Variants in CD300LB observed in about 807,000 individuals in gnomAD.
The protein encoded by CD300LB is CMRF35-like molecule 7.
A neutral mutation model predicts 20.8 loss-of-function variants in CD300LB; 18 were observed. The observed-to-expected ratio is 0.87, with a 90% CI of 0.60 to 1.28. CD300LB has a LOEUF of 1.28. CD300LB is among the 50% of genes most tolerant of loss of function. CD300LB has a pLI of 0.00. For synonymous variants in CD300LB, 91 were observed against 91.3 expected (o/e 1.00, Z 0.02); for missense variants, 222 against 251.8 (o/e 0.88, Z 0.80).
At chr17:74,530,094 C>G (rs1337882961) in intron 1 of CD300LB, among the ~76,000 whole-genome samples, 1 of 152,220 alleles carries the variant, frequency 6.6e-6, no homozygotes, top group East Asian at 1.9e-4. Flanking sequence ...TGGAGCAGAG[C>G]CCCGTTGAAC....
chr17:74,522,522 T>A lies in CD300LB; in HGVS notation c.*216A>T. 7.5e-7 allele frequency: 1 copy of A among 1,338,736 alleles called. No homozygotes were observed. The highest frequency in any genetic ancestry group is 3.0e-5 in the East Asian group (1 of 33,430). The allele number at this position is 1,338,736 out of a possible 1,614,324, so 82.9% of individuals were successfully genotyped here. On this transcript the variant is annotated 3_prime_UTR_variant, in exon 4 of 4. Coordinates refer to ENST00000392621, the MANE Select transcript of CD300LB (RefSeq NM_174892.4). ...AGCTCCTGACCAAGAGAACAGGTGC[T>A]GGCACCCCAGGAGGTGATGGTGGCT... is the stretch of plus-strand genomic sequence containing the variant.
chr17:74,522,524 G>C lies in CD300LB; in HGVS notation c.*214C>G. 1 of 1,338,012 alleles carries C rather than the reference G, an allele frequency of 7.5e-7. No individual in the cohort carries two copies. The highest frequency in any genetic ancestry group is 1.5e-5 in the African/African-American group (1 of 67,604). The allele number at this position is 1,338,012 out of a possible 1,614,324, so 82.9% of individuals were successfully genotyped here. A position where few individuals can be genotyped will look rare whatever the true frequency, so the allele number is the denominator to read the frequency against. ...CTCCTGACCAAGAGAACAGGTGCTG[G>C]CACCCCAGGAGGTGATGGTGGCTCA... On this transcript the variant is annotated 3_prime_UTR_variant, in exon 4 of 4. Coordinates refer to ENST00000392621, the MANE Select transcript of CD300LB (RefSeq NM_174892.4).
At position 74,522,205 on chromosome 17, in the gene CD300LB, C is replaced by T. The variant is rs1907900477; in HGVS notation, c.*533G>A. Reference sequence around the variant, plus strand: ...GACAGGGTCCATCCAGCCCCTCATGCCCTAGAACCAGGAACTCATCCCAGA... The same window carrying T: ...GACAGGGTCCATCCAGCCCCTCATGTCCTAGAACCAGGAACTCATCCCAGA... On this transcript the variant is annotated 3_prime_UTR_variant, in exon 4 of 4. Coordinates refer to ENST00000392621, the MANE Select transcript of CD300LB (RefSeq NM_174892.4). The T allele has an allele frequency of 1.0e-6, 1 of 985,998 alleles. No individual in the cohort carries two copies. Among genetic ancestry groups the T allele is most frequent in the South Asian group, 4.6e-5 (1 of 21,508 alleles). The allele number at this position is 985,998 out of a possible 1,614,324, so 61.1% of individuals were successfully genotyped here. A position where few individuals can be genotyped will look rare whatever the true frequency, so the allele number is the denominator to read the frequency against.
chr17:74,529,230 T>C (rs1165125869), intron 1 of CD300LB, among the ~76,000 whole-genome samples: 1 of 152,126 alleles, frequency 6.6e-6, no homozygotes, highest in Non-Finnish European at 1.5e-5. Context: ...CATCAACAGG[T>C]CAGAACTTCA....
rs1413424294 is a variant in CD300LB, at chr17:74,521,996, G to A, written c.*742C>T. 1 of 985,348 alleles carries A rather than the reference G, an allele frequency of 1.0e-6. No individual in the cohort carries two copies. The highest frequency in any genetic ancestry group is 1.7e-5 in the African/African-American group (1 of 57,232). 61.0% of individuals were successfully genotyped at this position (985,348 alleles called of 1,614,324 possible). On this transcript the variant is annotated 3_prime_UTR_variant, in exon 4 of 4. Transcript: ENST00000392621. ...GCCTGACAGGCTCTTTTGGGGAGGA[G>A]ACCCAAGCTGTCATGCTGAGGAGGC...
chr17:74,531,303 C>T lies in CD300LB; in HGVS notation c.40+8G>A, dbSNP rs1908206567. 10 of 1,574,126 alleles carry T rather than the reference C, an allele frequency of 6.4e-6. No homozygotes were observed. Among genetic ancestry groups the T allele is most frequent in the Middle Eastern group, 3.4e-4 (2 of 5,866 alleles). ...ATACCAAGCGCCCAAGGCCCCAGCC[C>T]CACTCACCTGAGAGGCTGAGAAGGA... On this transcript the variant is annotated splice_region_variant and intron_variant, in intron 1 of 3. Coordinates refer to ENST00000392621, the MANE Select transcript of CD300LB (RefSeq NM_174892.4).
intron 1 of CD300LB, among the ~76,000 whole-genome samples, chr17:74,528,452 G>T (rs1598129230): frequency 6.6e-6 from 1 of 152,156 alleles, no homozygotes; most frequent in African/African-American, 2.4e-5. Flanking sequence ...ATTTGTTACA[G>T]CAGCCACTGG....
rs777792520 is a variant in CD300LB at position 74,525,770 on chromosome 17, T to C, written c.348A>G (p.Gln116=). ...IERRGPDLGT[Q]VKVIVDPEGA... is the part of the protein sequence containing the mutation. ...TACCTGGGTCAACGATCACTTTCAC[T>C]TGAGTCCCAAGGTCAGGTCCTCTTC... Residue 116 remains glutamine (Q), a synonymous_variant, in exon 2 of 4, where the codon CAA becomes CAG. Transcript: ENST00000392621. 6.2e-7 allele frequency: 1 copy of C among 1,614,016 alleles called. No homozygotes were observed. The highest frequency in any genetic ancestry group is 1.7e-5 in the Admixed American group (1 of 60,010).
Position 74,522,818 on chromosome 17 carries a change from G to C in CD300LB, c.526C>G (p.Gln176Glu), listed in dbSNP as rs2143058048. ...VTAILWLKGS[Q>E]RVPEEPGEQP... ...TCCCCTGGCTCCTCAGGGACCCTCT[G>C]AGACCCCTTCAACCAGAGGATGGCA... Residue 176 changes from glutamine (Q) to glutamate (E), a missense_variant, in exon 4 of 4, where the codon CAG (glutamine) becomes GAG (glutamate). Physicochemically the swap from Gln to Glu is conservative, Grantham distance 29. Coordinates refer to ENST00000392621, the MANE Select transcript of CD300LB (RefSeq NM_174892.4). 6.2e-7 allele frequency: 1 copy of C among 1,614,096 alleles called. No individual in the cohort carries two copies. The highest frequency in any genetic ancestry group is 8.5e-7 in the Non-Finnish European group (1 of 1,180,010).
At position 74,526,213 on chromosome 17, in the gene CD300LB, G is replaced by C. The variant is rs16978086; in HGVS notation, c.41-136C>G. The C allele has an allele frequency of 0.015, 18,603 of 1,275,054 alleles. 1,448 individuals carry two copies. In the African/African-American group the frequency reaches 0.2, roughly 14 times the overall value. The allele number at this position is 1,275,054 out of a possible 1,614,324, so 79.0% of individuals were successfully genotyped here. On this transcript the variant is annotated intron_variant, in intron 1 of 3. Coordinates refer to ENST00000392621, the MANE Select transcript of CD300LB (RefSeq NM_174892.4). ...CCAAGATACAGCTCCTGTTGCCTGAGCCAGTTTGGTGTTTAAGAGTCCCGA... is the reference window on the plus strand; with the variant it reads ...CCAAGATACAGCTCCTGTTGCCTGACCCAGTTTGGTGTTTAAGAGTCCCGA...
At chr17:74,530,951 G>A (rs1020707131) in intron 1 of CD300LB, among the ~76,000 whole-genome samples, 2 of 151,982 alleles carry the variant, frequency 1.3e-5, no homozygotes, top group African/African-American at 2.4e-5. Context: ...CTACAGGCAC[G>A]GTCACCACGC....
chr17:74,521,515 T>C lies in CD300LB; in HGVS notation c.*1223A>G. 1.0e-6 allele frequency: 1 copy of C among 985,424 alleles called. No individual in the cohort carries two copies. The highest frequency in any genetic ancestry group is 1.7e-5 in the African/African-American group (1 of 57,328). 61.0% of individuals were successfully genotyped at this position (985,424 alleles called of 1,614,324 possible). On this transcript the variant is annotated 3_prime_UTR_variant, in exon 4 of 4. Coordinates refer to ENST00000392621, the MANE Select transcript of CD300LB (RefSeq NM_174892.4). ...GCCCATCATTGGCCAGAGACCTAAA[T>C]TCAGTTCAAAGTCAGAGAAAGTTTC... is the stretch of plus-strand genomic sequence containing the variant.
In CD300LB at chr17:74,522,843, A is replaced by G. The variant is rs1048684944; in HGVS notation, c.501T>C (p.Thr167=). The change falls in exon 4 of 4, where the codon ACT becomes ACC. Residue 167 remains threonine (T), a synonymous_variant. Coordinates refer to ENST00000392621, the MANE Select transcript of CD300LB (RefSeq NM_174892.4). ...GAGACCCCTTCAACCAGAGGATGGCAGTGACCAAGATGAGCAAGATGGGCA... is the reference window on the plus strand; with the variant it reads ...GAGACCCCTTCAACCAGAGGATGGCGGTGACCAAGATGAGCAAGATGGGCA... ...VKVPILLILV[T]AILWLKGSQR... is the part of the protein sequence containing the mutation. 1 of 1,614,072 alleles carries G rather than the reference A, an allele frequency of 6.2e-7. No individual in the cohort carries two copies. Among genetic ancestry groups the G allele is most frequent in the Admixed American group, 1.7e-5 (1 of 60,014 alleles).
intron 1 of CD300LB, among the ~76,000 whole-genome samples, chr17:74,527,285 A>G (rs1908064850): frequency 6.6e-6 from 1 of 152,192 alleles, no homozygotes; most frequent in Non-Finnish European, 1.5e-5. Flanking sequence ...TGGCAATGAC[A>G]CGGGTTTCTT....
chr17:74,526,993 A>G (rs2143078744), intron 1 of CD300LB, among the ~76,000 whole-genome samples: 1 of 152,228 alleles, frequency 6.6e-6, no homozygotes, highest in South Asian at 2.1e-4. Context: ...ATGATTCCCA[A>G]ATCCATATTT....
chr17:74,524,197 T>G (rs1179570821), intron 2 of CD300LB, among the ~76,000 whole-genome samples: 1 of 152,202 alleles, frequency 6.6e-6, no homozygotes, highest in Non-Finnish European at 1.5e-5. Flanking sequence ...TTGGGGGCAG[T>G]CTGGTCAGGG....
intron 3 of CD300LB, 160 bp downstream of exon 3, chr17:74,523,419 T>A: frequency 1.6e-6 from 1 of 638,852 alleles, no homozygotes; most frequent in Non-Finnish European, 2.9e-6. Flanking sequence ...AGATGGTGGA[T>A]TGCAGTGATG....
At chr17:74,524,675 G>A (rs1375312545) in intron 2 of CD300LB, among the ~76,000 whole-genome samples, 3 of 152,192 alleles carry the variant, frequency 2.0e-5, no homozygotes, top group Admixed American at 6.5e-5. Flanking sequence ...CTGAGCTGCA[G>A]GTAATTCCAA....
rs142306929 is a variant in CD300LB at position 74,525,625 on chromosome 17, C to G, written c.370+123G>C. ...TGTCTGCCTGTCTGTCTGTCTGTCT[C>G]TCTCTCTCTCTCTCTTAGGCTCACC... is the stretch of plus-strand genomic sequence containing the variant. On this transcript the variant is annotated intron_variant, in intron 2 of 3. Coordinates refer to ENST00000392621, the MANE Select transcript of CD300LB (RefSeq NM_174892.4). 1.2e-3 allele frequency: 888 copies of G among 747,810 alleles called. 1 individual carries two copies. The highest frequency in any genetic ancestry group is 1.6e-3 in the Non-Finnish European group (723 of 465,478). 46.3% of individuals were successfully genotyped at this position (747,810 alleles called of 1,614,324 possible).
Sources: gnomAD v4.1 joint callset for allele counts (sites outside exome capture counted in the v4.1 genomes callset) on GRCh38, gnomAD v4.1.1 for gene constraint, MANE v1.5 for transcripts, NCBI Gene and HGNC (gene_info 2026-07-23, HGNC 2026-07-21) for gene names.